WDR70: variants seen among roughly 807,000 people sequenced by gnomAD.
WDR70 encodes WD repeat-containing protein 70.
WDR70 carries 53 observed loss-of-function variants against 88.6 expected under a neutral mutation model. The ratio of observed to expected loss-of-function variants is 0.60; its 90% confidence interval spans 0.48 to 0.75. WDR70 has a LOEUF of 0.75. Among genes scored for constraint, WDR70 ranks in the 30% least tolerant of loss-of-function variants. The pLI, the probability that WDR70 is intolerant of heterozygous loss-of-function variation, is 0.00. For synonymous variants in WDR70, 280 were observed against 270.0 expected (o/e 1.04, Z -0.36); for missense variants, 610 against 823.2 (o/e 0.74, Z 3.17).
intron 10 of WDR70, among the ~76,000 whole-genome samples, chr5:37,606,138 A>G (rs955770530): frequency 3.3e-5 from 5 of 152,150 alleles, no homozygotes; most frequent in Admixed American, 3.3e-4. Flanking sequence ...TCTATCAAAT[A>G]TTTACATTTT....
intron 10 of WDR70, among the ~76,000 whole-genome samples, chr5:37,621,354 C>CAAT (rs1277404950): frequency 6.6e-6 from 1 of 152,060 alleles, no homozygotes; most frequent in Non-Finnish European, 1.5e-5. Context: ...TCATTTAAAG[C>CAAT]ATACAGTCGT....
intron 10 of WDR70, among the ~76,000 whole-genome samples, chr5:37,631,503 A>G (rs1187265035): frequency 3.3e-5 from 5 of 152,174 alleles, no homozygotes; most frequent in African/African-American, 1.2e-4. Flanking sequence ...TGTACCAGGA[A>G]TTGTTATTAA....
Position 37,392,183 on chromosome 5 carries a change from T to G in WDR70, c.296+63T>G, listed in dbSNP as rs1337325383. 19 of 1,530,612 alleles carry G rather than the reference T, an allele frequency of 1.2e-5. No individual in the cohort carries two copies. The South Asian group carries it at 1.4e-4, about 11-fold the overall frequency. The allele number at this position is 1,530,612 out of a possible 1,614,324, so 94.8% of individuals were successfully genotyped here. A position where few individuals can be genotyped will look rare whatever the true frequency, so the allele number is the denominator to read the frequency against. ...GTTTCTAGGTGTTTATAGAGTTTTT[T>G]TTTTTTTTTTTAATTTTTTTGAGAT... On this transcript the variant is annotated intron_variant, in intron 4 of 17. Transcript: ENST00000265107.
chr5:37,396,839 CAAAA>C (rs1371585749), intron 5 of WDR70, among the ~76,000 whole-genome samples: 1 of 151,950 alleles, frequency 6.6e-6, no homozygotes, highest in Non-Finnish European at 1.5e-5. Flanking sequence ...AAAAAACAAA[CAAAA>C]AACCAAACCG....
intron 5 of WDR70, among the ~76,000 whole-genome samples, chr5:37,428,038 C>A: frequency 6.8e-6 from 1 of 148,040 alleles, no homozygotes; most frequent in African/African-American, 2.5e-5. Context: ...TGTCTGGAAA[C>A]CACAGCAGCC....
At chr5:37,429,113 A>T (rs79949466) in intron 5 of WDR70, among the ~76,000 whole-genome samples, 7 of 152,132 alleles carry the variant, frequency 4.6e-5, no homozygotes, top group African/African-American at 1.7e-4. Flanking sequence ...TGGGACTGCA[A>T]TGTGCATCGC....
chr5:37,752,694 T>C lies in WDR70; in HGVS notation c.*121T>C. 1.3e-6 allele frequency: 1 copy of C among 755,978 alleles called. No individual in the cohort carries two copies. The highest frequency in any genetic ancestry group is 1.8e-5 in the South Asian group (1 of 55,156). 46.8% of individuals were successfully genotyped at this position (755,978 alleles called of 1,614,324 possible). A position where few individuals can be genotyped will look rare whatever the true frequency, so the allele number is the denominator to read the frequency against. ...TGAACAGGTTTTGTCCTTTGCATTATTGAACTGGTCAAAAGTTTGGTGGCT... is the reference window on the plus strand; with the variant it reads ...TGAACAGGTTTTGTCCTTTGCATTACTGAACTGGTCAAAAGTTTGGTGGCT... On this transcript the variant is annotated 3_prime_UTR_variant, in exon 18 of 18. Coordinates refer to ENST00000265107, the MANE Select transcript of WDR70 (RefSeq NM_018034.4).
At chr5:37,634,560 G>C (rs375644699) in intron 10 of WDR70, among the ~76,000 whole-genome samples, 1 of 152,142 alleles carries the variant, frequency 6.6e-6, no homozygotes, top group Non-Finnish European at 1.5e-5. Context: ...AAATGACTTT[G>C]TTCTATAAGG....
chr5:37,464,877 A>G (rs1561862429), intron 7 of WDR70, among the ~76,000 whole-genome samples: 4 of 152,192 alleles, frequency 2.6e-5, no homozygotes, highest in Admixed American at 1.3e-4. Context: ...TCTTGGAAAG[A>G]AGAGGAAAAT....
At chr5:37,679,235 C>T (rs1044807809) in intron 10 of WDR70, among the ~76,000 whole-genome samples, 1 of 152,230 alleles carries the variant, frequency 6.6e-6, no homozygotes, top group Non-Finnish European at 1.5e-5. Context: ...CTCAACTCGT[C>T]AGTGTCATTC....
Position 37,489,281 on chromosome 5 carries a change from G to T in WDR70, c.840+9294G>T, listed in dbSNP as rs549919821. Reference sequence around the variant, plus strand: ...AGGCTGATATTTGAGCCTCCAGGTGGCTTTTTGAGGTGCCAGTAGTGGCAG... The same window carrying T: ...AGGCTGATATTTGAGCCTCCAGGTGTCTTTTTGAGGTGCCAGTAGTGGCAG... On this transcript the variant is annotated intron_variant, in intron 8 of 17. Transcript: ENST00000265107. 2.6e-5 allele frequency among the ~76,000 whole-genome samples: 4 copies of T among 152,308 alleles called. No homozygotes were observed. In the South Asian group the frequency reaches 8.3e-4, roughly 32 times the overall value.
chr5:37,447,888 T>G (rs1345271971), intron 7 of WDR70, among the ~76,000 whole-genome samples: 1 of 152,166 alleles, frequency 6.6e-6, no homozygotes, highest in Non-Finnish European at 1.5e-5. Context: ...TATACATATG[T>G]AACAAACCTG....
chr5:37,742,654 C>T (rs989593701), intron 17 of WDR70, among the ~76,000 whole-genome samples: 2 of 152,118 alleles, frequency 1.3e-5, no homozygotes, highest in African/African-American at 2.4e-5. Flanking sequence ...AAATCATTGC[C>T]AAATCTAATG....
chr5:37,583,690 A>G (rs1416732439), intron 9 of WDR70, among the ~76,000 whole-genome samples: 2 of 151,736 alleles, frequency 1.3e-5, no homozygotes, highest in Non-Finnish European at 2.9e-5. Flanking sequence ...GATCCCTTAT[A>G]CTTGTGTCCT....
chr5:37,463,117 C>T (rs1387904177), intron 7 of WDR70, among the ~76,000 whole-genome samples: 1 of 152,048 alleles, frequency 6.6e-6, no homozygotes, highest in Non-Finnish European at 1.5e-5. Context: ...ACTAAAAATA[C>T]AAAAATTAGC....
chr5:37,570,690 A>G (rs77791195), intron 9 of WDR70, among the ~76,000 whole-genome samples: 24,337 of 152,198 alleles, frequency 0.16, 2,063 homozygotes, highest in South Asian at 0.26. Flanking sequence ...ATCAAGATCA[A>G]TGGCTGCTAT....
chr5:37,694,643 C>A (rs1312069099), intron 10 of WDR70, among the ~76,000 whole-genome samples: 2 of 150,938 alleles, frequency 1.3e-5, no homozygotes, highest in African/African-American at 4.9e-5. Flanking sequence ...GGGAATCGAA[C>A]AATGAGAACA....
intron 14 of WDR70, 71 bp downstream of exon 14, chr5:37,721,286 G>T (rs1317058366): frequency 1.5e-6 from 2 of 1,365,844 alleles, no homozygotes; most frequent in Non-Finnish European, 2.1e-6. Flanking sequence ...TCCCACCCCC[G>T]CTTTTATTTA....
intron 9 of WDR70, among the ~76,000 whole-genome samples, chr5:37,603,738 A>G (rs928743793): frequency 6.6e-6 from 1 of 152,174 alleles, no homozygotes; most frequent in African/African-American, 2.4e-5. Flanking sequence ...TATGCTTATC[A>G]CATTGCTTTG....
Sources: allele counts gnomAD v4.1 joint callset (sites outside exome capture counted in the v4.1 genomes callset), GRCh38; gene constraint gnomAD v4.1.1; transcripts MANE v1.5; gene names NCBI Gene and HGNC (gene_info 2026-07-23, HGNC 2026-07-21).